Variants in RANBP2 observed in about 807,000 individuals in gnomAD.
RANBP2 encodes RAN binding protein 2.
Under a neutral mutation model 303.6 loss-of-function variants are expected in RANBP2, and 57 were observed. That is an observed-to-expected ratio of 0.19 (90% CI 0.15 to 0.23). RANBP2 has a LOEUF of 0.23. RANBP2 is among the 10% of genes least tolerant of loss of function. The pLI is 1.00. For missense variants in RANBP2, 3,138 were observed against 3,780.8 expected (o/e 0.83, Z 4.46); for synonymous variants, 1,167 against 1,301.5 (o/e 0.90, Z 2.23).
the RANBP2 span, among the ~76,000 whole-genome samples, chr2:109,332,907 C>T: frequency 6.6e-5 from 10 of 152,358 alleles, no homozygotes; most frequent in Admixed American, 3.9e-4. Context: ...CAGTGGATTC[C>T]TTTGAGCTGT....
At chr2:109,221,996 CAG>C in the RANBP2 span, among the ~76,000 whole-genome samples, 26 of 150,984 alleles carry the variant, frequency 1.7e-4, 1 homozygote, top group East Asian at 1.9e-3. Flanking sequence ...AAAAAAAACA[CAG>C]GGGATACTAT....
At chr2:109,414,428 T>A in the RANBP2 span, among the ~76,000 whole-genome samples, 2 of 152,132 alleles carry the variant, frequency 1.3e-5, no homozygotes, top group Non-Finnish European at 2.9e-5. Context: ...TTTCAGTTTT[T>A]TCAGGCAGGA....
At chr2:109,559,980 G>A in the RANBP2 span, among the ~76,000 whole-genome samples, 1 of 147,244 alleles carries the variant, frequency 6.8e-6, no homozygotes, top group Non-Finnish European at 1.5e-5. Flanking sequence ...GAGTGCAGTG[G>A]CATGATCTTG....
chr2:108,996,281 C>A, the RANBP2 span, among the ~76,000 whole-genome samples: 2 of 152,176 alleles, frequency 1.3e-5, no homozygotes, highest in Non-Finnish European at 2.9e-5. Context: ...CTAAGCCACA[C>A]AGTTTAGGGA....
chr2:109,030,048 C>T, the RANBP2 span, among the ~76,000 whole-genome samples: 12 of 152,242 alleles, frequency 7.9e-5, no homozygotes, highest in African/African-American at 2.9e-4. Context: ...CTTAGATTTA[C>T]TGCCTCCTTG....
the RANBP2 span, chr2:109,614,534 C>T: frequency 7.8e-7 from 1 of 1,288,082 alleles, no homozygotes; most frequent in Non-Finnish European, 9.8e-7. Context: ...CGCTGGGCCC[C>T]GAGGCGGTGC....
chr2:108,834,974 C>T, the RANBP2 span, among the ~76,000 whole-genome samples: 11 of 152,244 alleles, frequency 7.2e-5, no homozygotes, highest in African/African-American at 2.4e-4. Flanking sequence ...CAGTTGGCAG[C>T]TCTTCAATTG....
the RANBP2 span, among the ~76,000 whole-genome samples, chr2:108,972,768 C>A: frequency 6.6e-6 from 1 of 152,212 alleles, no homozygotes; most frequent in Non-Finnish European, 1.5e-5. Flanking sequence ...GATGCTGAGA[C>A]TCAGAAGGGG....
At chr2:109,367,771 A>T in the RANBP2 span, among the ~76,000 whole-genome samples, 1 of 152,358 alleles carries the variant, frequency 6.6e-6, no homozygotes, top group East Asian at 1.9e-4. Flanking sequence ...GTCTTCAGTA[A>T]CAAATCTTTC....
the RANBP2 span, among the ~76,000 whole-genome samples, chr2:109,144,692 G>A: frequency 2.6e-5 from 4 of 152,206 alleles, no homozygotes; most frequent in African/African-American, 9.7e-5. Flanking sequence ...ACTGCACTGG[G>A]TCCAGGTTGG....
the RANBP2 span, among the ~76,000 whole-genome samples, chr2:109,202,822 C>T: frequency 0.027 from 4,138 of 152,268 alleles, 187 homozygotes; most frequent in African/African-American, 0.095. Context: ...GCCCCATTCC[C>T]GGGAAAGGGC....
the RANBP2 span, among the ~76,000 whole-genome samples, chr2:108,961,449 C>T: frequency 6.6e-6 from 1 of 152,186 alleles, no homozygotes; most frequent in Admixed American, 6.5e-5. Flanking sequence ...GGACCAGCCA[C>T]CCTCCTTGGC....
chr2:108,794,394 A>G, the RANBP2 span: 2 of 714,028 alleles, frequency 2.8e-6, no homozygotes, highest in African/African-American at 1.8e-5. Flanking sequence ...CCACTTTACC[A>G]TATTTGCTAT....
At chr2:109,488,139 G>T in the RANBP2 span, among the ~76,000 whole-genome samples, 3 of 152,200 alleles carry the variant, frequency 2.0e-5, no homozygotes, top group African/African-American at 7.2e-5. Context: ...CCTGGGGCAG[G>T]CCTGGCTTCT....
At chr2:109,543,883 G>A in the RANBP2 span, 1 of 391,458 alleles carries the variant, frequency 2.6e-6, no homozygotes, top group East Asian at 4.7e-5. Context: ...TATACACAAC[G>A]GGACCCGACT....
the RANBP2 span, among the ~76,000 whole-genome samples, chr2:109,551,432 C>A: frequency 1.2e-4 from 18 of 152,106 alleles, no homozygotes; most frequent in Non-Finnish European, 1.5e-4. Context: ...ACATAATACC[C>A]ATGTACAATA....
chr2:109,473,229 G>A, the RANBP2 span, among the ~76,000 whole-genome samples: 1 of 152,210 alleles, frequency 6.6e-6, no homozygotes, highest in African/African-American at 2.4e-5. Flanking sequence ...CACAGGCCTG[G>A]GCTGGCCCCA....
the RANBP2 span, among the ~76,000 whole-genome samples, chr2:109,234,483 C>T: frequency 6.6e-6 from 1 of 152,212 alleles, no homozygotes; most frequent in Non-Finnish European, 1.5e-5. Flanking sequence ...GGCTAGAGAA[C>T]ACACATTCTT....
intron 4 of RANBP2, 140 bp from the exon 5 acceptor site, chr2:108,735,392 T>G (rs2556120): frequency 2.6e-6 from 4 of 1,520,602 alleles, no homozygotes; most frequent in Non-Finnish European, 8.9e-7. Flanking sequence ...TCAGAAGGGA[T>G]GAATAAGGTA....
Sources: gnomAD v4.1 joint callset for allele counts (sites outside exome capture counted in the v4.1 genomes callset) on GRCh38, gnomAD v4.1.1 for gene constraint, MANE v1.5 for transcripts, NCBI Gene and HGNC (gene_info 2026-07-23, HGNC 2026-07-21) for gene names.